Variants in GZF1 observed in about 807,000 individuals in gnomAD.
GZF1 encodes the protein GDNF-inducible zinc finger protein 1.
A neutral mutation model predicts 49.4 loss-of-function variants in GZF1; 28 were observed. The observed-to-expected ratio is 0.57, with a 90% CI of 0.42 to 0.78. The LOEUF is 0.78. Ranked by LOEUF, GZF1 falls within the 30% of genes least tolerant of loss-of-function variation. The probability of loss-of-function intolerance (pLI) is 0.00; values close to 1 mark genes in which losing one functional copy is unlikely to be tolerated. For synonymous variants in GZF1, 364 were observed against 356.0 expected, an observed-to-expected ratio of 1.02 and a Z score of -0.25; for missense variants, 798 against 916.2, an observed-to-expected ratio of 0.87 and a Z score of 1.67.
Position 23,365,273 on chromosome 20 carries a change from CGGAGGAGGAAGAGGA to C in GZF1, c.900_914del (p.Glu302_Glu306del). ...GAGGAATTGTCAAAGAAAGCAGGGC[CGGAGGAGGAAGAGGA>C]GGAGGAGGAGGAGGACGAAGAAGGG... On this transcript the variant is annotated inframe_deletion, in exon 2 of 6. Transcript: ENST00000338121. 1 of 1,606,110 alleles carries C rather than the reference CGGAGGAGGAAGAGGA, an allele frequency of 6.2e-7. No homozygotes were observed. The highest frequency in any genetic ancestry group is 8.5e-7 in the Non-Finnish European group (1 of 1,175,786).
rs1367727018 is a variant in GZF1 at position 23,369,588 on chromosome 20, G to A, written c.1632G>A (p.Glu544=). The change falls in exon 5 of 6, where the codon GAG becomes GAA. Residue 544 remains glutamate (E), a synonymous_variant. Coordinates refer to ENST00000338121, the MANE Select transcript of GZF1 (RefSeq NM_022482.5). The stretch of plus-strand genomic sequence containing the variant: ...TCTCCTCTCTCCCTGCCTCAGGGGA[G>A]CGTCCCTACTGCTGTGACCAGTGCG... ...LYQHIKVHTG[E]RPYCCDQCGK... 1.9e-6 allele frequency: 3 copies of A among 1,609,756 alleles called. No individual in the cohort carries two copies. Among genetic ancestry groups the A allele is most frequent in the South Asian group, 2.2e-5 (2 of 90,646 alleles).
At chr20:23,369,174 GGACA>G (rs1981766083) in intron 4 of GZF1, among the ~76,000 whole-genome samples, 2 of 152,306 alleles carry the variant, frequency 1.3e-5, no homozygotes, top group Middle Eastern at 3.4e-3. Flanking sequence ...TTACTGAAAA[GGACA>G]GACAGCTTAG....
intron 1 of GZF1, 126 bp from the exon 2 acceptor site, chr20:23,364,237 C>G: frequency 1.8e-6 from 1 of 549,526 alleles, no homozygotes; most frequent in Admixed American, 3.5e-5. Flanking sequence ...TCATTCGAAT[C>G]TTTACCTGAG....
At position 23,365,564 on chromosome 20, in the gene GZF1, G is replaced by T; in HGVS notation, c.1181G>T (p.Arg394Leu). ...KKFKRKKDVK[R>L]HVLQVHEGGG... is the part of the protein sequence containing the mutation. ...TTCAAGCGCAAGAAGGACGTGAAGC[G>T]GCACGTGCTGCAGGTGCATGAGGGC... The change falls in exon 2 of 6, where the codon CGG (arginine) becomes CTG (leucine). Residue 394 changes from arginine (R) to leucine (L), a missense_variant. Coordinates refer to ENST00000338121, the MANE Select transcript of GZF1 (RefSeq NM_022482.5). The T allele has an allele frequency of 6.2e-7, 1 of 1,612,172 alleles. No homozygotes were observed. The highest frequency in any genetic ancestry group is 8.5e-7 in the Non-Finnish European group (1 of 1,179,636).
chr20:23,369,129 G>A (rs540917255), intron 4 of GZF1, among the ~76,000 whole-genome samples, 200 bp downstream of exon 4: 6 of 152,180 alleles, frequency 3.9e-5, no homozygotes, highest in East Asian at 1.9e-4. Context: ...GTGTGTAAAC[G>A]GGAGAAGACT....
chr20:23,370,590 G>A lies in GZF1; in HGVS notation c.*149G>A, dbSNP rs758836188. ...TTCCTGAACTTCTGCTAACTTGCAC[G>A]GCTTTATCACAGCATTTTTAAAGCT... On this transcript the variant is annotated 3_prime_UTR_variant, in exon 6 of 6. Transcript: ENST00000338121. The A allele has an allele frequency of 1.1e-5, 7 of 625,398 alleles. No homozygotes were observed. The highest frequency in any genetic ancestry group is 1.9e-5 in the African/African-American group (1 of 54,026). The allele number at this position is 625,398 out of a possible 1,614,324, so 38.7% of individuals were successfully genotyped here.
chr20:23,361,808 G>A (rs973991376), upstream of GZF1, among the ~76,000 whole-genome samples: 5 of 152,234 alleles, frequency 3.3e-5, no homozygotes, highest in South Asian at 2.1e-4. Flanking sequence ...GGGCCCGGAA[G>A]CGCTGGCGCC....
intron 1 of GZF1, chr20:23,362,932 C>G (rs1600527111): frequency 6.6e-6 from 1 of 152,262 alleles, no homozygotes; most frequent in South Asian, 2.1e-4. Context: ...CTTGTTTCCC[C>G]AGGCTGGGGC....
In GZF1 at chr20:23,370,336, G is replaced by A. The variant is rs1981951570; in HGVS notation, c.2031G>A (p.Val677=). The A allele has an allele frequency of 6.2e-7, 1 of 1,614,056 alleles. No individual in the cohort carries two copies. Among genetic ancestry groups the A allele is most frequent in the Non-Finnish European group, 8.5e-7 (1 of 1,179,966 alleles). Residue 677 remains valine, a synonymous_variant, in exon 6 of 6, where the codon GTG becomes GTA. Coordinates refer to ENST00000338121, the MANE Select transcript of GZF1 (RefSeq NM_022482.5). ...CCTGCAAGGCAGATGACTCCGTGGTGTCCCAGGACACCCTCCTGGCCACCA... is the reference window on the plus strand; with the variant it reads ...CCTGCAAGGCAGATGACTCCGTGGTATCCCAGGACACCCTCCTGGCCACCA... The part of the protein sequence containing the change: ...DTACKADDSV[V]SQDTLLATTI...
intron 1 of GZF1, chr20:23,362,644 C>T (rs924690461): frequency 6.6e-6 from 1 of 152,194 alleles, no homozygotes; most frequent in Non-Finnish European, 1.5e-5. Context: ...GGCTCTGGCC[C>T]CGTGAGCCTC....
rs897983195 is a variant in GZF1, at chr20:23,372,345, G to A, written c.*1904G>A. The A allele has an allele frequency of 7.9e-5, 12 of 152,120 alleles. No individual in the cohort carries two copies. Among genetic ancestry groups the A allele is most frequent in the Admixed American group, 3.3e-4 (5 of 15,272 alleles). The allele number at this position is 152,120 out of a possible 1,614,324, so 9.4% of individuals were successfully genotyped here. Reference sequence around the variant, plus strand: ...TGAAACATATAATTTGCTTAATTACGTGAATAATGAAATGTAAAATCCGGG... The same window carrying A: ...TGAAACATATAATTTGCTTAATTACATGAATAATGAAATGTAAAATCCGGG... On this transcript the variant is annotated 3_prime_UTR_variant, in exon 6 of 6. Coordinates refer to ENST00000338121, the MANE Select transcript of GZF1 (RefSeq NM_022482.5).
rs750609719 is a variant in GZF1, at chr20:23,365,283, AGAG to A, written c.918_920del (p.Glu306del). ...CAAAGAAAGCAGGGCCGGAGGAGGA[AGAG>A]GAGGAGGAGGAGGAGGACGAAGAAG... On this transcript the variant is annotated inframe_deletion, in exon 2 of 6. Transcript: ENST00000338121. 1.0e-3 allele frequency: 1,558 copies of A among 1,548,002 alleles called. 2 individuals are homozygous for A. The highest frequency in any genetic ancestry group is 5.1e-3 in the African/African-American group (359 of 70,166).
chr20:23,368,958 G>A, intron 4 of GZF1, 29 bp downstream of exon 4: 1 of 1,542,390 alleles, frequency 6.5e-7, no homozygotes, highest in Non-Finnish European at 8.7e-7. Flanking sequence ...AGGGAAGGGA[G>A]TTTAGTTTGG....
chr20:23,364,764 A>G lies in GZF1; in HGVS notation c.381A>G (p.Gln127=), dbSNP rs1346096057. Residue 127 remains glutamine (Q), a synonymous_variant, in exon 2 of 6, where the codon CAA becomes CAG. Coordinates refer to ENST00000338121, the MANE Select transcript of GZF1 (RefSeq NM_022482.5). ...TGGATTTATCAGAAACTTGTTTTCAATTAAAGAAACAGATGTTAGAGTCAG... is the reference window on the plus strand; with the variant it reads ...TGGATTTATCAGAAACTTGTTTTCAGTTAAAGAAACAGATGTTAGAGTCAG... ...KCLDLSETCF[Q]LKKQMLESVL... 4 of 1,614,292 alleles carry G rather than the reference A, an allele frequency of 2.5e-6. No individual in the cohort carries two copies. Among genetic ancestry groups the G allele is most frequent in the African/African-American group, 1.3e-5 (1 of 75,082 alleles).
At position 23,370,229 on chromosome 20, in the gene GZF1, G is replaced by A. The variant is rs1451399576; in HGVS notation, c.1924G>A (p.Ala642Thr). The stretch of plus-strand genomic sequence containing the variant: ...GCTTTCGGATAAATTGCTGTCTTTT[G>A]CAGAAAATGGCCATTTCCACAACCT... ...SKLSDKLLSFAENGHFHNLAA... is the reference protein window; with the variant it reads ...SKLSDKLLSFTENGHFHNLAA... Residue 642 changes from alanine (A) to threonine (T), a missense_variant, in exon 6 of 6, where the codon GCA becomes ACA. Physicochemically the swap from Ala to Thr is moderately conservative, Grantham distance 58. Transcript: ENST00000338121. The A allele has an allele frequency of 6.2e-7, 1 of 1,614,180 alleles. No individual in the cohort carries two copies. Among genetic ancestry groups the A allele is most frequent in the Admixed American group, 1.7e-5 (1 of 60,032 alleles).
intron 1 of GZF1, 25 bp from the exon 2 acceptor site, chr20:23,364,338 C>A: frequency 1.4e-6 from 2 of 1,396,512 alleles, no homozygotes; most frequent in Admixed American, 2.1e-5. Context: ...GTTGCTCATG[C>A]ATAATTCTTG....
chr20:23,363,209 C>A (rs957549556), intron 1 of GZF1: 1 of 152,280 alleles, frequency 6.6e-6, no homozygotes, highest in Admixed American at 6.5e-5. Context: ...ATGATGACAA[C>A]TTTTTTTCTA....
Position 23,372,055 on chromosome 20 carries a change from AAAT to A in GZF1, c.*1618_*1620del, listed in dbSNP as rs1643361704. On this transcript the variant is annotated 3_prime_UTR_variant, in exon 6 of 6. Coordinates refer to ENST00000338121, the MANE Select transcript of GZF1 (RefSeq NM_022482.5). ...TCCTAGTTATGTTTACAGCACAAAT[AAAT>A]AATGACTGTCATACATCCAGAGGAG... is the stretch of plus-strand genomic sequence containing the variant. 1 of 152,630 alleles carries A rather than the reference AAAT, an allele frequency of 6.6e-6. No homozygotes were observed. Among genetic ancestry groups the A allele is most frequent in the African/African-American group, 2.4e-5 (1 of 41,446 alleles). 9.5% of individuals were successfully genotyped at this position (152,630 alleles called of 1,614,324 possible).
chr20:23,369,677 C>T lies in GZF1; in HGVS notation c.1721C>T (p.Pro574Leu). The change falls in exon 5 of 6, where the codon CCA becomes CTA. Residue 574 changes from proline (P) to leucine (L), a missense_variant. By Grantham distance (98) the Pro-to-Leu change is moderately conservative. Transcript: ENST00000338121. ...CGCCGCATCCACACAGGGGAGAGGCCATTCATGTGCAATGCGTGCGGACGG... is the reference window on the plus strand; with the variant it reads ...CGCCGCATCCACACAGGGGAGAGGCTATTCATGTGCAATGCGTGCGGACGG... Reference protein sequence around the residue: ...RHRRIHTGERPFMCNACGRTF... With the variant: ...RHRRIHTGERLFMCNACGRTF... The T allele has an allele frequency of 2.5e-6, 4 of 1,614,148 alleles. No homozygotes were observed. The highest frequency in any genetic ancestry group is 1.3e-5 in the African/African-American group (1 of 75,056).
Sources: allele counts gnomAD v4.1 joint callset (sites outside exome capture counted in the v4.1 genomes callset), GRCh38; gene constraint gnomAD v4.1.1; transcripts MANE v1.5; gene names NCBI Gene and HGNC (gene_info 2026-07-23, HGNC 2026-07-21).